Variants in SLC25A23 observed in about 807,000 individuals in gnomAD.
SLC25A23 encodes the protein mitochondrial adenyl nucleotide antiporter SLC25A23.
Under a neutral mutation model 53.9 loss-of-function variants are expected in SLC25A23, and 32 were observed. The observed-to-expected ratio is 0.59, with a 90% CI of 0.45 to 0.80. The LOEUF is 0.80. SLC25A23 is among the 30% of genes least tolerant of loss of function. SLC25A23 has a pLI of 0.00. For missense variants in SLC25A23, 575 were observed against 651.4 expected (o/e 0.88, Z 1.28); for synonymous variants, 275 against 264.5 (o/e 1.04, Z -0.38).
At chr19:6,455,385 C>T (rs1388825514) in intron 4 of SLC25A23, among the ~76,000 whole-genome samples, 1 of 152,094 alleles carries the variant, frequency 6.6e-6, no homozygotes, top group Admixed American at 6.5e-5. Context: ...AAGATCTTAC[C>T]AGGCACCTCC....
At position 6,454,509 on chromosome 19, in the gene SLC25A23, C is replaced by T. The variant is rs775903458; in HGVS notation, c.643-34G>A. The T allele has an allele frequency of 1.9e-6, 3 of 1,613,540 alleles. No homozygotes were observed. Among genetic ancestry groups the T allele is most frequent in the East Asian group, 2.2e-5 (1 of 44,868 alleles). ...GGAGACAACAGCTTGGAGGTCCCCTCCCAGGTGTCAGGCCTGGGGGAGGGG... is the reference window on the plus strand; with the variant it reads ...GGAGACAACAGCTTGGAGGTCCCCTTCCAGGTGTCAGGCCTGGGGGAGGGG... On this transcript the variant is annotated intron_variant, in intron 5 of 9. Coordinates refer to ENST00000301454, the MANE Select transcript of SLC25A23 (RefSeq NM_024103.3). The surrounding 1 kb of genome is among the most constrained non-coding windows in gnomAD (Gnocchi z 4.3).
chr19:6,457,065 CTTTT>C (rs35460136), intron 3 of SLC25A23, among the ~76,000 whole-genome samples: 1 of 132,082 alleles, frequency 7.6e-6, no homozygotes, highest in Non-Finnish European at 1.6e-5. Context: ...ATTTTTCTTT[CTTTT>C]TTTTTTTTTT....
At chr19:6,455,643 A>G (rs896497858) in intron 4 of SLC25A23, among the ~76,000 whole-genome samples, 3 of 151,298 alleles carry the variant, frequency 2.0e-5, no homozygotes, top group African/African-American at 7.3e-5. Flanking sequence ...CCCAGGAACT[A>G]GGGATCTAGA....
intron 8 of SLC25A23, among the ~76,000 whole-genome samples, chr19:6,449,645 A>C (rs1056174456): frequency 7.9e-5 from 12 of 151,470 alleles, no homozygotes; most frequent in African/African-American, 2.7e-4. Context: ...CGATCTCTTG[A>C]CCTTGTGATC....
At chr19:6,442,537 T>A (rs191229098) in intron 9 of SLC25A23, among the ~76,000 whole-genome samples, 1 of 152,186 alleles carries the variant, frequency 6.6e-6, no homozygotes, top group African/African-American at 2.4e-5. Context: ...GTCAGGCTCC[T>A]CCCTGCCCTC....
At position 6,440,706 on chromosome 19, in the gene SLC25A23, T is replaced by A. The variant is rs1225200693; in HGVS notation, c.*1269A>T. ...CATGCAGAGGTGGGGTGAGGGGGAA[T>A]CCAGCATCCGTGCAGGTTGCAGCCA... On this transcript the variant is annotated 3_prime_UTR_variant, in exon 10 of 10. Coordinates refer to ENST00000301454, the MANE Select transcript of SLC25A23 (RefSeq NM_024103.3). 1.3e-5 allele frequency: 2 copies of A among 151,960 alleles called. No individual in the cohort carries two copies. The highest frequency in any genetic ancestry group is 2.1e-4 in the South Asian group (1 of 4,822). The allele number at this position is 151,960 out of a possible 1,614,324, so 9.4% of individuals were successfully genotyped here. A position where few individuals can be genotyped will look rare whatever the true frequency, so the allele number is the denominator to read the frequency against.
At chr19:6,437,514 C>T (rs1449770205), downstream of SLC25A23, among the ~76,000 whole-genome samples, 1 of 152,074 alleles carries the variant, frequency 6.6e-6, no homozygotes, top group African/African-American at 2.4e-5. Flanking sequence ...GCTGTCCTTA[C>T]AAGACATGGA....
downstream of SLC25A23, among the ~76,000 whole-genome samples, chr19:6,439,395 T>A (rs556066876): frequency 8.5e-4 from 110 of 129,566 alleles, no homozygotes; most frequent in African/African-American, 2.7e-3. Context: ...TCTCTCTCTC[T>A]CTCTCACACA....
At position 6,441,393 on chromosome 19, in the gene SLC25A23, G is replaced by A. The variant is rs2144761839; in HGVS notation, c.*582C>T. The A allele has an allele frequency of 6.5e-6, 1 of 154,544 alleles. No homozygotes were observed. The highest frequency in any genetic ancestry group is 6.3e-5 in the Admixed American group (1 of 15,904). 9.6% of individuals were successfully genotyped at this position (154,544 alleles called of 1,614,324 possible). ...GCTCGAGGCATGGGGATCTGGGGTT[G>A]GGGATCTAGGATCCAGCGTTTCACT... On this transcript the variant is annotated 3_prime_UTR_variant, in exon 10 of 10. Coordinates refer to ENST00000301454, the MANE Select transcript of SLC25A23 (RefSeq NM_024103.3).
rs1222781522 is a variant in SLC25A23 at position 6,459,783 on chromosome 19, A to T, written c.-155T>A. 1.8e-6 allele frequency: 1 copy of T among 557,134 alleles called. No individual in the cohort carries two copies. Among genetic ancestry groups the T allele is most frequent in the East Asian group, 4.5e-5 (1 of 22,394 alleles). The allele number at this position is 557,134 out of a possible 1,614,324, so 34.5% of individuals were successfully genotyped here. The stretch of plus-strand genomic sequence containing the variant: ...TCCGCTCGGCTCTGGCACTTGCGGG[A>T]GGTGGTGACGGCTAGCCGTCGCCGC... On this transcript the variant is annotated 5_prime_UTR_variant, in exon 1 of 10. Coordinates refer to ENST00000301454, the MANE Select transcript of SLC25A23 (RefSeq NM_024103.3). This position sits in a 1 kb window ranked among gnomAD's most constrained non-coding sequence, Gnocchi z 4.6.
chr19:6,456,958 G>A (rs899565585), intron 3 of SLC25A23, among the ~76,000 whole-genome samples: 4 of 152,080 alleles, frequency 2.6e-5, no homozygotes, highest in African/African-American at 7.2e-5. Context: ...GATTGCAGGC[G>A]TGAGCCACCA....
chr19:6,455,934 T>A, intron 4 of SLC25A23: 2 of 962,386 alleles, frequency 2.1e-6, no homozygotes, highest in African/African-American at 1.7e-5. Context: ...TTAGCCAGGA[T>A]GGTCGCGATC....
At chr19:6,445,126 AGAGACG>A (rs2092484256) in intron 8 of SLC25A23, among the ~76,000 whole-genome samples, 1 of 146,462 alleles carries the variant, frequency 6.8e-6, no homozygotes, top group Admixed American at 6.8e-5. Flanking sequence ...TTTTTTTTTC[AGAGACG>A]GAGTTTCGTT....
chr19:6,457,059 TTC>T (rs912455256), intron 3 of SLC25A23, among the ~76,000 whole-genome samples: 26 of 141,946 alleles, frequency 1.8e-4, no homozygotes, highest in African/African-American at 6.6e-4. Flanking sequence ...ATTTGAATTT[TTC>T]TTTCTTTTTT....
chr19:6,454,338 G>A lies in SLC25A23; in HGVS notation c.780C>T (p.Phe260=), dbSNP rs192489049. Residue 260 remains phenylalanine, a synonymous_variant, in exon 6 of 10, where the codon TTC becomes TTT. Transcript: ENST00000301454. The surrounding 1 kb of genome is among the most constrained non-coding windows in gnomAD (Gnocchi z 4.3). ...LKIAPESAIK[F]MAYEQIKRAI... ...CTGCCCTCACCTGTTCATAGGCCATGAACTTGATAGCTGACTCGGGGGCAA... is the reference window on the plus strand; with the variant it reads ...CTGCCCTCACCTGTTCATAGGCCATAAACTTGATAGCTGACTCGGGGGCAA... The A allele has an allele frequency of 1.9e-6, 3 of 1,613,952 alleles. No homozygotes were observed. Among genetic ancestry groups the A allele is most frequent in the Non-Finnish European group, 2.5e-6 (3 of 1,179,964 alleles).
chr19:6,458,083 G>A (rs2092705988), intron 2 of SLC25A23, 115 bp downstream of exon 2: 8 of 1,364,202 alleles, frequency 5.9e-6, no homozygotes, highest in Non-Finnish European at 7.9e-6. Context: ...GAGTCATCGG[G>A]GAGAAGCGGC....
At chr19:6,443,193 C>G (rs967449702) in intron 9 of SLC25A23, among the ~76,000 whole-genome samples, 1 of 152,104 alleles carries the variant, frequency 6.6e-6, no homozygotes, top group African/African-American at 2.4e-5. Flanking sequence ...CCCACCTAGG[C>G]CTCCCAAGGT....
chr19:6,438,556 A>G (rs1270247631), downstream of SLC25A23: 1 of 152,504 alleles, frequency 6.6e-6, no homozygotes, highest in East Asian at 1.9e-4. Context: ...AAAAAGAAGT[A>G]ATAATAATTA....
downstream of SLC25A23, chr19:6,438,518 G>A (rs1246589411): frequency 6.5e-6 from 1 of 153,080 alleles, no homozygotes. Flanking sequence ...GATGAGCCTG[G>A]GCAACATGAT....
Sources: allele counts gnomAD v4.1 joint callset (sites outside exome capture counted in the v4.1 genomes callset), GRCh38; gene constraint gnomAD v4.1.1; non-coding constraint Gnocchi (gnomAD v3.1); transcripts MANE v1.5; gene names NCBI Gene and HGNC (gene_info 2026-07-23, HGNC 2026-07-21).